TTLL5: variants seen among roughly 807,000 people sequenced by gnomAD.
The protein encoded by TTLL5 is tubulin tyrosine ligase like 5, also known as tubulin polyglutamylase TTLL5.
A neutral mutation model predicts 168.4 loss-of-function variants in TTLL5; 132 were observed. The ratio of observed to expected loss-of-function variants is 0.78; its 90% CI spans 0.68 to 0.91. The LOEUF is 0.91. TTLL5 is among the 40% of genes least tolerant of loss of function. The pLI is 0.00. For synonymous variants in TTLL5, 546 were observed against 558.6 expected (o/e 0.98, Z 0.32); for missense variants, 1,545 against 1,581.5 (o/e 0.98, Z 0.39).
chr14:75,909,249 CT>C (rs2033269974), intron 31 of TTLL5, among the ~76,000 whole-genome samples: 1 of 150,004 alleles, frequency 6.7e-6, no homozygotes, highest in Non-Finnish European at 1.5e-5. Context: ...CCTTATCAAA[CT>C]TTCACACACC....
At chr14:75,693,071 A>G (rs1397031608) in intron 6 of TTLL5, among the ~76,000 whole-genome samples, 1 of 152,086 alleles carries the variant, frequency 6.6e-6, no homozygotes, top group African/African-American at 2.4e-5. Context: ...TAAATCAAGA[A>G]CCCCAGTAGA....
chr14:75,735,173 A>G (rs1888804247), intron 14 of TTLL5, 22 bp from the exon 15 acceptor site: 5 of 1,612,878 alleles, frequency 3.1e-6, no homozygotes, highest in South Asian at 1.1e-5. Flanking sequence ...GCAGGTTTTA[A>G]TGTTGCCCAT....
At chr14:75,745,390 A>G (rs896286070) in intron 16 of TTLL5, 100 bp from the exon 17 acceptor site, 25 of 1,298,490 alleles carry the variant, frequency 1.9e-5, no homozygotes, top group Non-Finnish European at 2.8e-5. Context: ...CCTTCATGCT[A>G]CTTTCATATT....
At chr14:75,874,932 C>CATTTTTTTTTTTTTTTTTTT (rs1278144635) in intron 29 of TTLL5, among the ~76,000 whole-genome samples, 1 of 19,584 alleles carries the variant, frequency 5.1e-5, no homozygotes, top group Non-Finnish European at 8.5e-5. Flanking sequence ...ACACTGGGGG[C>CATTTTTTTTTTTTTTTTTTT]CTTTTTTTTT....
rs1429960287 is a variant in TTLL5 at position 75,902,278 on chromosome 14, G to A, written c.3823+54G>A. 7.0e-6 allele frequency: 11 copies of A among 1,573,646 alleles called. No homozygotes were observed. The East Asian group carries it at 2.5e-4, about 35-fold the overall frequency. The stretch of plus-strand genomic sequence containing the variant: ...GGATAGATGACAGGGAAGGTGTTGG[G>A]CTTGGCACATTCTCTCTTCTGCCTC... On this transcript the variant is annotated intron_variant, in intron 31 of 31. Coordinates refer to ENST00000298832, the MANE Select transcript of TTLL5 (RefSeq NM_015072.5).
chr14:75,761,752 T>C (rs1890663833), intron 18 of TTLL5, among the ~76,000 whole-genome samples: 2 of 152,198 alleles, frequency 1.3e-5, no homozygotes, highest in African/African-American at 4.8e-5. Flanking sequence ...ATTAAGAGTT[T>C]AGGTTATATA....
intron 24 of TTLL5, among the ~76,000 whole-genome samples, chr14:75,780,433 T>TGG (rs1263968760): frequency 1.3e-5 from 2 of 152,176 alleles, no homozygotes; most frequent in African/African-American, 4.8e-5. Context: ...GAATTGAATA[T>TGG]GGATGTGGCT....
Position 75,735,302 on chromosome 14 carries a change from C to T in TTLL5, c.1281+13C>T. ...CCAGAAACCTCAGGTAAGCCAATTC[C>T]ACAGCAGGGAGCCTGAAGGAGGCTT... On this transcript the variant is annotated intron_variant, in intron 15 of 31. Coordinates refer to ENST00000298832, the MANE Select transcript of TTLL5 (RefSeq NM_015072.5). 3.7e-6 allele frequency: 6 copies of T among 1,613,588 alleles called. No individual in the cohort carries two copies. The highest frequency in any genetic ancestry group is 5.1e-6 in the Non-Finnish European group (6 of 1,179,470).
At chr14:75,836,418 CAG>C (rs1307745998) in intron 28 of TTLL5, among the ~76,000 whole-genome samples, 1 of 111,382 alleles carries the variant, frequency 9.0e-6, no homozygotes, top group Admixed American at 1.1e-4. Context: ...TTAGGGGTGA[CAG>C]GGGGAAGTGG....
intron 28 of TTLL5, among the ~76,000 whole-genome samples, chr14:75,844,167 C>T (rs777434610): frequency 1.3e-5 from 2 of 152,112 alleles, no homozygotes; most frequent in Admixed American, 6.6e-5. Context: ...AGACGTGAGC[C>T]GCCTGGCCTG....
intron 21 of TTLL5, among the ~76,000 whole-genome samples, chr14:75,773,095 C>T (rs934380458): frequency 4.6e-5 from 7 of 152,142 alleles, no homozygotes; most frequent in African/African-American, 1.7e-4. Context: ...ATACAAAAGG[C>T]AAGTCTTTAT....
At chr14:75,821,255 G>A (rs1440161265) in intron 28 of TTLL5, among the ~76,000 whole-genome samples, 3 of 152,246 alleles carry the variant, frequency 2.0e-5, no homozygotes, top group Non-Finnish European at 4.4e-5. Flanking sequence ...TGGTCGGGGC[G>A]AAAAGAATCA....
chr14:75,751,103 T>C (rs2140271585), intron 17 of TTLL5, among the ~76,000 whole-genome samples: 1 of 152,310 alleles, frequency 6.6e-6, no homozygotes, highest in South Asian at 2.1e-4. Context: ...CAGTGCTTTC[T>C]GGTGTGACAC....
chr14:75,886,429 G>A lies in TTLL5; in HGVS notation c.3740+3527G>A, dbSNP rs114964334. On this transcript the variant is annotated intron_variant, in intron 30 of 31. Coordinates refer to ENST00000298832, the MANE Select transcript of TTLL5 (RefSeq NM_015072.5). ...TCCCTACTGAATAATTAACCAAAAT[G>A]ACTTGTTTTCTGTCTATTCCATTGA... Among the ~76,000 whole-genome samples the A allele has an allele frequency of 8.4e-3, 1,280 of 152,236 alleles. 19 individuals are homozygous for A. The highest frequency in any genetic ancestry group is 0.029 in the African/African-American group (1,206 of 41,528).
At chr14:75,714,155 A>G (rs1034422764) in intron 9 of TTLL5, among the ~76,000 whole-genome samples, 5 of 152,100 alleles carry the variant, frequency 3.3e-5, no homozygotes, top group African/African-American at 9.7e-5. Flanking sequence ...TTTTCTCATG[A>G]AGAGACCTAG....
intron 6 of TTLL5, among the ~76,000 whole-genome samples, chr14:75,698,854 A>G (rs1886052386): frequency 6.6e-6 from 1 of 151,882 alleles, no homozygotes; most frequent in African/African-American, 2.4e-5. Flanking sequence ...GCAATAAGCT[A>G]TGGAAGCACC....
Position 75,735,214 on chromosome 14 carries a change from T to C in TTLL5, c.1206T>C (p.Pro402=), listed in dbSNP as rs370816365. 6.2e-7 allele frequency: 1 copy of C among 1,614,104 alleles called. No homozygotes were observed. Among genetic ancestry groups the C allele is most frequent in the African/African-American group, 1.3e-5 (1 of 74,958 alleles). The part of the protein sequence containing the change: ...FTVVGFVCQD[P]AQRASTRPIY... ...ATTCAGGATTTGTGTGCCAAGATCCTGCCCAGCGGGCATCAACTCGGCCAA... is the reference window on the plus strand; with the variant it reads ...ATTCAGGATTTGTGTGCCAAGATCCCGCCCAGCGGGCATCAACTCGGCCAA... Residue 402 remains proline (P), a synonymous_variant, in exon 15 of 32, where the codon CCT becomes CCC. Transcript: ENST00000298832.
chr14:75,872,855 G>A (rs1301019488), intron 29 of TTLL5, among the ~76,000 whole-genome samples: 1 of 148,974 alleles, frequency 6.7e-6, no homozygotes, highest in Non-Finnish European at 1.5e-5. Flanking sequence ...AGGTTGCAGT[G>A]AGCCAAGATC....
rs1313768011 is a variant in TTLL5, at chr14:75,770,154, G to C, written c.2016-1580G>C. Among the ~76,000 whole-genome samples the C allele has an allele frequency of 1.4e-4, 19 of 133,132 alleles. No individual in the cohort carries two copies. In the Admixed American group the frequency reaches 1.6e-3, roughly 11 times the overall value. 87.3% of individuals were successfully genotyped at this position (133,132 alleles called of 152,430 possible). Reference sequence around the variant, plus strand: ...GATCACACCACTGCACTCCAGCCTGGGTGACAAGAGCAAAACTCTGTCTCG... The same window carrying C: ...GATCACACCACTGCACTCCAGCCTGCGTGACAAGAGCAAAACTCTGTCTCG... On this transcript the variant is annotated intron_variant, in intron 20 of 31. Transcript: ENST00000298832.
Sources: gnomAD v4.1 joint callset for allele counts (sites outside exome capture counted in the v4.1 genomes callset) on GRCh38, gnomAD v4.1.1 for gene constraint, MANE v1.5 for transcripts, NCBI Gene and HGNC (gene_info 2026-07-23, HGNC 2026-07-21) for gene names.